The following OSBPL3 variants were observed in gnomAD, a reference collection of about 807,000 sequenced individuals.
OSBPL3 encodes the protein oxysterol-binding protein-related protein 3.
OSBPL3 carries 65 observed loss-of-function variants against 120.1 expected under a neutral mutation model. The observed-to-expected ratio is 0.54, with a 90% confidence interval of 0.44 to 0.67. The LOEUF is 0.67. Among genes scored for constraint, OSBPL3 ranks in the 30% least tolerant of loss-of-function variants. The pLI, the probability that OSBPL3 is intolerant of heterozygous loss-of-function variation, is 0.00. For missense variants in OSBPL3, 1,004 were observed against 1,082.1 expected, an observed-to-expected ratio of 0.93 and a Z score of 1.01; for synonymous variants, 416 against 402.6, an observed-to-expected ratio of 1.03 and a Z score of -0.40.
intron 17 of OSBPL3, 92 bp from the exon 18 acceptor site, chr7:24,816,780 G>A: frequency 1.2e-6 from 1 of 819,608 alleles, no homozygotes; most frequent in African/African-American, 1.7e-5. Context: ...TCGCTATATA[G>A]TACAACCTCT....
rs1812651713 is a variant in OSBPL3 at position 24,938,250 on chromosome 7, G to A, written c.-150+41636C>T. ...GAAAGAGAGCCCAGAGAGCTGTCTT[G>A]CCTTCCACCACGTGAGGACACAAAG... On this transcript the variant is annotated intron_variant, in intron 1 of 22. Coordinates refer to ENST00000313367, the MANE Select transcript of OSBPL3 (RefSeq NM_015550.4). This position sits in a 1 kb window ranked among gnomAD's most constrained non-coding sequence, Gnocchi z 5.8. Among the ~76,000 whole-genome samples, 1 of 152,154 alleles carries A rather than the reference G, an allele frequency of 6.6e-6. No homozygotes were observed. Among genetic ancestry groups the A allele is most frequent in the Non-Finnish European group, 1.5e-5 (1 of 68,024 alleles).
chr7:24,850,048 A>G, intron 11 of OSBPL3, among the ~76,000 whole-genome samples: 1 of 152,126 alleles, frequency 6.6e-6, no homozygotes, highest in East Asian at 1.9e-4. Context: ...TGATTGTTCT[A>G]TTCATTCTTC....
At chr7:24,810,061 C>T (rs1292580581) in intron 19 of OSBPL3, 110 bp from the exon 20 acceptor site, 1 of 1,158,680 alleles carries the variant, frequency 8.6e-7, no homozygotes, top group East Asian at 2.3e-5. Context: ...TGGCTCCATA[C>T]TGCATATTAG....
At position 24,854,919 on chromosome 7, in the gene OSBPL3, A is replaced by G. The variant is rs917881614; in HGVS notation, c.1028-2285T>C. 1.3e-5 allele frequency among the ~76,000 whole-genome samples: 2 copies of G among 152,278 alleles called. No homozygotes were observed. The highest frequency in any genetic ancestry group is 1.3e-4 in the Admixed American group (2 of 15,288). On this transcript the variant is annotated intron_variant, in intron 10 of 22. Coordinates refer to ENST00000313367, the MANE Select transcript of OSBPL3 (RefSeq NM_015550.4). The surrounding 1 kb of genome is among the most constrained non-coding windows in gnomAD (Gnocchi z 4.1). Reference sequence around the variant, plus strand: ...AATAAATAACAAATGTTACTGCAATATCATAGTGATACCGATGAAGGAGAC... The same window carrying G: ...AATAAATAACAAATGTTACTGCAATGTCATAGTGATACCGATGAAGGAGAC...
intron 1 of OSBPL3, among the ~76,000 whole-genome samples, chr7:24,949,088 C>T (rs1157323452): frequency 6.6e-6 from 1 of 152,196 alleles, no homozygotes; most frequent in Non-Finnish European, 1.5e-5. Flanking sequence ...AATCTCACCA[C>T]ACTGGGGAGA....
chr7:24,930,418 T>C lies in OSBPL3; in HGVS notation c.-149-37797A>G, dbSNP rs1448144474. Among the ~76,000 whole-genome samples, 2 of 152,192 alleles carry C rather than the reference T, an allele frequency of 1.3e-5. No homozygotes were observed. The highest frequency in any genetic ancestry group is 2.1e-4 in the South Asian group (1 of 4,808). On this transcript the variant is annotated intron_variant, in intron 1 of 22. Transcript: ENST00000313367. The surrounding 1 kb of genome is among the most constrained non-coding windows in gnomAD (Gnocchi z 4.4). Reference sequence around the variant, plus strand: ...CACTTAACAAAGGTTTCCCATCTCTTGTTCTAAAGATATCTCAAAATATGC... The same window carrying C: ...CACTTAACAAAGGTTTCCCATCTCTCGTTCTAAAGATATCTCAAAATATGC...
chr7:24,810,195 AT>A, intron 19 of OSBPL3: 1 of 446,752 alleles, frequency 2.2e-6, no homozygotes, highest in South Asian at 2.8e-5. Context: ...TGATTAACAT[AT>A]GTATTACCTT....
intron 1 of OSBPL3, among the ~76,000 whole-genome samples, chr7:24,917,179 A>G (rs1027048024): frequency 9.2e-5 from 14 of 151,856 alleles, no homozygotes; most frequent in Admixed American, 9.2e-4. Flanking sequence ...AGCAGAAGTC[A>G]GTGGTCATGT....
Position 24,916,101 on chromosome 7 carries a change from A to T in OSBPL3, c.-149-23480T>A, listed in dbSNP as rs1809517937. On this transcript the variant is annotated intron_variant, in intron 1 of 22. Transcript: ENST00000313367. This position sits in a 1 kb window ranked among gnomAD's most constrained non-coding sequence, Gnocchi z 4.9. ...TTTATCATGTTGTCCTGTTATTCTC[A>T]ATCCATCCTGACTCCCAACCTTGTG... 6.6e-6 allele frequency among the ~76,000 whole-genome samples: 1 copy of T among 152,166 alleles called. No homozygotes were observed. Among genetic ancestry groups the T allele is most frequent in the South Asian group, 2.1e-4 (1 of 4,830 alleles).
At chr7:24,885,344 C>A (rs1333241475) in intron 2 of OSBPL3, among the ~76,000 whole-genome samples, 1 of 152,012 alleles carries the variant, frequency 6.6e-6, no homozygotes, top group Non-Finnish European at 1.5e-5. Flanking sequence ...TTGGCAAATT[C>A]TTCCCCATTC....
chr7:24,906,392 G>T, intron 1 of OSBPL3: 1 of 263,318 alleles, frequency 3.8e-6, no homozygotes, highest in Non-Finnish European at 7.8e-6. Context: ...GCTGGGGAGA[G>T]GCAGAGAATG....
rs1562735022 is a variant in OSBPL3 at position 24,797,506 on chromosome 7, G to C, written c.*2677C>G. ...TGAGGCTTTTATTATTAATACCTAT[G>C]ACTCAAGGAATACCAGCCTTGGGGT... On this transcript the variant is annotated 3_prime_UTR_variant, in exon 23 of 23. Transcript: ENST00000313367. This position sits in a 1 kb window ranked among gnomAD's most constrained non-coding sequence, Gnocchi z 4.8. 6.6e-6 allele frequency: 1 copy of C among 152,116 alleles called. No homozygotes were observed. The highest frequency in any genetic ancestry group is 1.9e-4 in the East Asian group (1 of 5,188). 9.4% of individuals were successfully genotyped at this position (152,116 alleles called of 1,614,324 possible). A position where few individuals can be genotyped will look rare whatever the true frequency, so the allele number is the denominator to read the frequency against.
chr7:24,922,655 G>A lies in OSBPL3; in HGVS notation c.-149-30034C>T, dbSNP rs147349572. Among the ~76,000 whole-genome samples, 1 of 152,184 alleles carries A rather than the reference G, an allele frequency of 6.6e-6. No individual in the cohort carries two copies. The highest frequency in any genetic ancestry group is 1.5e-5 in the Non-Finnish European group (1 of 68,006). The stretch of plus-strand genomic sequence containing the variant: ...GTTCTCCTGTGACTTCCACAGACCT[G>A]CCAGCTCTGCCCTGGTCCTCAGTCT... On this transcript the variant is annotated intron_variant, in intron 1 of 22. Transcript: ENST00000313367. The surrounding 1 kb of genome is among the most constrained non-coding windows in gnomAD (Gnocchi z 4.3).
rs1489144459 is a variant in OSBPL3 at position 24,813,139 on chromosome 7, A to G, written c.2172+1920T>C. Among the ~76,000 whole-genome samples the G allele has an allele frequency of 1.3e-5, 2 of 152,230 alleles. No homozygotes were observed. The highest frequency in any genetic ancestry group is 4.8e-5 in the African/African-American group (2 of 41,544). ...AGTGAGCCTCCTGCTTCAGCCTCCCAAAGTGCTGGGATTACAGGTGTGAGC... is the reference window on the plus strand; with the variant it reads ...AGTGAGCCTCCTGCTTCAGCCTCCCGAAGTGCTGGGATTACAGGTGTGAGC... On this transcript the variant is annotated intron_variant, in intron 19 of 22. Transcript: ENST00000313367. This position sits in a 1 kb window ranked among gnomAD's most constrained non-coding sequence, Gnocchi z 4.5.
rs1028612037 is a variant in OSBPL3, at chr7:24,940,672, G to A, written c.-150+39214C>T. Among the ~76,000 whole-genome samples the A allele has an allele frequency of 1.3e-5, 2 of 151,888 alleles. No homozygotes were observed. The highest frequency in any genetic ancestry group is 2.9e-5 in the Non-Finnish European group (2 of 67,984). ...ACCTAAAACCAAGGAGATGAGGAAC[G>A]GTGAATGAAGATGTCAGGTAAGTCC... is the stretch of plus-strand genomic sequence containing the variant. On this transcript the variant is annotated intron_variant, in intron 1 of 22. Coordinates refer to ENST00000313367, the MANE Select transcript of OSBPL3 (RefSeq NM_015550.4). This position sits in a 1 kb window ranked among gnomAD's most constrained non-coding sequence, Gnocchi z 4.4.
rs908316058 is a variant in OSBPL3 at position 24,947,217 on chromosome 7, A to G, written c.-150+32669T>C. Among the ~76,000 whole-genome samples, 1 of 152,224 alleles carries G rather than the reference A, an allele frequency of 6.6e-6. No individual in the cohort carries two copies. Among genetic ancestry groups the G allele is most frequent in the Non-Finnish European group, 1.5e-5 (1 of 68,042 alleles). On this transcript the variant is annotated intron_variant, in intron 1 of 22. Transcript: ENST00000313367. This position sits in a 1 kb window ranked among gnomAD's most constrained non-coding sequence, Gnocchi z 4.4. ...CTAAGAAAGCCTTCTATAATTCCAT[A>G]ACAAAGGATTTAGAAAATAAAAGCA...
At position 24,830,516 on chromosome 7, in the gene OSBPL3, T is replaced by C. The variant is rs1796235200; in HGVS notation, c.1884+252A>G. 6.6e-6 allele frequency among the ~76,000 whole-genome samples: 1 copy of C among 152,146 alleles called. No individual in the cohort carries two copies. Among genetic ancestry groups the C allele is most frequent in the South Asian group, 2.1e-4 (1 of 4,828 alleles). On this transcript the variant is annotated intron_variant, in intron 16 of 22. Coordinates refer to ENST00000313367, the MANE Select transcript of OSBPL3 (RefSeq NM_015550.4). This position sits in a 1 kb window ranked among gnomAD's most constrained non-coding sequence, Gnocchi z 4.4. ...TCAAAATTCCTTGTGCTAATGATTTTAAAGAGAAAGGACACCGGCAATGCA... is the reference window on the plus strand; with the variant it reads ...TCAAAATTCCTTGTGCTAATGATTTCAAAGAGAAAGGACACCGGCAATGCA...
chr7:24,892,758 A>G (rs552531078), intron 1 of OSBPL3, 137 bp from the exon 2 acceptor site: 2 of 416,544 alleles, frequency 4.8e-6, no homozygotes, highest in South Asian at 1.7e-4. Context: ...GCCGAGAAGG[A>G]AAAGAAGCTT....
chr7:24,877,638 A>G lies in OSBPL3; in HGVS notation c.97-5569T>C, dbSNP rs549808130. 6.6e-6 allele frequency among the ~76,000 whole-genome samples: 1 copy of G among 152,322 alleles called. No individual in the cohort carries two copies. Among genetic ancestry groups the G allele is most frequent in the African/African-American group, 2.4e-5 (1 of 41,570 alleles). ...TGCAAAGCAAGGGGGGTATCAAAAG[A>G]GTCCCCCAGAACCTTCGGGACATGG... is the stretch of plus-strand genomic sequence containing the variant. On this transcript the variant is annotated intron_variant, in intron 2 of 22. Coordinates refer to ENST00000313367, the MANE Select transcript of OSBPL3 (RefSeq NM_015550.4). The surrounding 1 kb of genome is among the most constrained non-coding windows in gnomAD (Gnocchi z 4.8).
Sources: gnomAD v4.1 joint callset for allele counts (sites outside exome capture counted in the v4.1 genomes callset) on GRCh38, gnomAD v4.1.1 for gene constraint, Gnocchi (gnomAD v3.1) non-coding constraint, MANE v1.5 for transcripts, NCBI Gene and HGNC (gene_info 2026-07-23, HGNC 2026-07-21) for gene names.